The following MGAT1 variants were observed in gnomAD, a reference collection of about 807,000 sequenced individuals.
MGAT1 encodes the protein N-glycosyl-oligosaccharide-glycoprotein N-acetylglucosaminyltransferase I.
A neutral mutation model predicts 31.7 loss-of-function variants in MGAT1; 14 were observed. The ratio of observed to expected loss-of-function variants is 0.44; its 90% CI spans 0.29 to 0.69. MGAT1 has a LOEUF of 0.69. MGAT1 is among the 30% of genes least tolerant of loss of function. The pLI is 0.12. For synonymous variants in MGAT1, 338 were observed against 276.0 expected, an observed-to-expected ratio of 1.22 and a Z score of -2.23; for missense variants, 557 against 626.0, an observed-to-expected ratio of 0.89 and a Z score of 1.18.
intron 1 of MGAT1, among the ~76,000 whole-genome samples, chr5:180,798,194 G>C (rs1221102784): frequency 6.6e-6 from 1 of 152,216 alleles, no homozygotes; most frequent in African/African-American, 2.4e-5. Flanking sequence ...TAGGTGTTTA[G>C]AACAGTGCCG....
chr5:180,814,918 G>A (rs2113624048), intron 1 of MGAT1, among the ~76,000 whole-genome samples: 1 of 150,338 alleles, frequency 6.7e-6, no homozygotes, highest in East Asian at 1.9e-4. Flanking sequence ...TCCAGCCTAG[G>A]CGACAGAGTG....
intron 1 of MGAT1, among the ~76,000 whole-genome samples, chr5:180,795,068 G>A (rs151111347): frequency 0.014 from 2,140 of 151,754 alleles, 20 homozygotes; most frequent in Middle Eastern, 0.02. Flanking sequence ...GGTCTTTTTG[G>A]GAAAAACAAA....
At position 180,786,353 on chromosome 5, in the gene MGAT1, C is replaced by G. The variant is rs752565019; in HGVS notation, c.*5281G>C. The G allele has an allele frequency of 1.1e-4, 17 of 152,424 alleles. No individual in the cohort carries two copies. The highest frequency in any genetic ancestry group is 1.6e-4 in the Non-Finnish European group (11 of 68,172). 9.4% of individuals were successfully genotyped at this position (152,424 alleles called of 1,614,324 possible). ...GGTCAGGGTTCCTAATGCACTCCCC[C>G]CAAAGCTCCCCATCACCCTGCCCTC... On this transcript the variant is annotated 3_prime_UTR_variant, in exon 2 of 2. Transcript: ENST00000307826.
chr5:180,791,431 G>A lies in MGAT1; in HGVS notation c.*203C>T. ...GCTTAATACCCCGCAACATACCCTA[G>A]AATAGTTCCCCTGATCTGACTCCCT... On this transcript the variant is annotated 3_prime_UTR_variant, in exon 2 of 2. Coordinates refer to ENST00000307826, the MANE Select transcript of MGAT1 (RefSeq NM_002406.4). The A allele has an allele frequency of 1.5e-6, 1 of 685,808 alleles. No homozygotes were observed. Among genetic ancestry groups the A allele is most frequent in the South Asian group, 2.0e-5 (1 of 50,768 alleles). 42.5% of individuals were successfully genotyped at this position (685,808 alleles called of 1,614,324 possible).
At chr5:180,796,731 C>T (rs1381992229) in intron 1 of MGAT1, among the ~76,000 whole-genome samples, 2 of 152,094 alleles carry the variant, frequency 1.3e-5, no homozygotes, top group African/African-American at 4.8e-5. Flanking sequence ...CTTGCCTCAG[C>T]CTCCCGAGTA....
chr5:180,800,590 G>C (rs1293514984), intron 1 of MGAT1, among the ~76,000 whole-genome samples: 2 of 152,172 alleles, frequency 1.3e-5, no homozygotes, highest in Admixed American at 6.5e-5. Flanking sequence ...CATTCCAAAG[G>C]TGAGTGTTCC....
rs1429261703 is a variant in MGAT1, at chr5:180,792,893, A to G, written c.79T>C (p.Phe27Leu). The change falls in exon 2 of 2, where the codon TTC becomes CTC. Residue 27 changes from phenylalanine to leucine, a missense_variant. By Grantham distance (22) the Phe-to-Leu change is conservative. Transcript: ENST00000307826. Reference sequence around the variant, plus strand: ...CCAGGTGCTGGGCGCGTCCAGAAGAAGAGGAGCAGCAGGGCATTCCAGGCC... The same window carrying G: ...CCAGGTGCTGGGCGCGTCCAGAAGAGGAGGAGCAGCAGGGCATTCCAGGCC... ...FVAWNALLLL[F>L]FWTRPAPGRP... is the part of the protein sequence containing the mutation. The G allele has an allele frequency of 4.4e-6, 7 of 1,607,032 alleles. No individual in the cohort carries two copies. Among genetic ancestry groups the G allele is most frequent in the African/African-American group, 1.3e-5 (1 of 74,930 alleles).
At chr5:180,815,445 A>G (rs773400554) in exon 1 of MGAT1, 23 of 152,582 alleles carry the variant, frequency 1.5e-4, no homozygotes, top group Non-Finnish European at 3.2e-4. Flanking sequence ...TGAAATTTGC[A>G]GTGCTCCTCC....
At chr5:180,809,352 G>A (rs1374460002) in intron 1 of MGAT1, 4 of 152,010 alleles carry the variant, frequency 2.6e-5, no homozygotes, top group African/African-American at 9.7e-5. Context: ...CAGGATAAAA[G>A]ATGGATCGTA....
intron 1 of MGAT1, among the ~76,000 whole-genome samples, chr5:180,814,879 T>G (rs1449859327): frequency 6.6e-6 from 1 of 150,594 alleles, no homozygotes; most frequent in Admixed American, 6.6e-5. Flanking sequence ...GGGCGGTGGT[T>G]GCAGTGAGCT....
Position 180,789,024 on chromosome 5 carries a change from A to G in MGAT1, c.*2610T>C, listed in dbSNP as rs1767774214. The stretch of plus-strand genomic sequence containing the variant: ...CGATTCCACGTCTGAAATCACGGAT[A>G]ATGACCACCTCCCCTTATTTAACAA... On this transcript the variant is annotated 3_prime_UTR_variant, in exon 2 of 2. Transcript: ENST00000307826. The G allele has an allele frequency of 6.6e-6, 1 of 152,260 alleles. No individual in the cohort carries two copies. The highest frequency in any genetic ancestry group is 1.5e-5 in the Non-Finnish European group (1 of 68,048). The allele number at this position is 152,260 out of a possible 1,614,324, so 9.4% of individuals were successfully genotyped here.
chr5:180,811,936 A>T (rs1400168433), intron 1 of MGAT1, among the ~76,000 whole-genome samples: 1 of 152,080 alleles, frequency 6.6e-6, no homozygotes, highest in African/African-American at 2.4e-5. Context: ...AGCTCTTTCA[A>T]ATCTTTCCTC....
chr5:180,791,106 G>A lies in MGAT1; in HGVS notation c.*528C>T, dbSNP rs759306830. The A allele has an allele frequency of 1.7e-4, 27 of 156,662 alleles. No homozygotes were observed. Among genetic ancestry groups the A allele is most frequent in the Non-Finnish European group, 3.5e-4 (25 of 71,148 alleles). 9.7% of individuals were successfully genotyped at this position (156,662 alleles called of 1,614,324 possible). On this transcript the variant is annotated 3_prime_UTR_variant, in exon 2 of 2. Coordinates refer to ENST00000307826, the MANE Select transcript of MGAT1 (RefSeq NM_002406.4). ...GTCAGACAGGAGAGAAGGGCAGGAG[G>A]CAGTGAGCCCCGATGACCCACCAAC...
chr5:180,797,643 C>T (rs752733745), intron 1 of MGAT1, among the ~76,000 whole-genome samples: 3 of 152,188 alleles, frequency 2.0e-5, no homozygotes, highest in Non-Finnish European at 4.4e-5. Context: ...GCAAACCAGT[C>T]TTCTGACTGA....
intron 1 of MGAT1, among the ~76,000 whole-genome samples, chr5:180,801,817 AAC>A (rs1491337016): frequency 1.3e-5 from 2 of 152,220 alleles, no homozygotes; most frequent in Non-Finnish European, 2.9e-5. Context: ...TTCCCTTGTT[AAC>A]ACAGGCCACT....
rs1768346062 is a variant in MGAT1, at chr5:180,792,376, T to C, written c.596A>G (p.Gln199Arg). ...CACCACGGCCGCGGGGAAGCGAAAC[T>C]GCCGGAAGACCTGGCCCAGCGCCCA... The part of the protein sequence containing the change: ...YRWALGQVFR[Q>R]FRFPAAVVVE... The change falls in exon 2 of 2, where the codon CAG becomes CGG. Residue 199 changes from glutamine to arginine, a missense_variant. Gln to Arg is a conservative substitution (Grantham distance 43). Around this residue, in one of 3 missense-constraint regions of MGAT1, gnomAD observed 245 missense variants for 332.9 expected, o/e 0.74. Transcript: ENST00000307826. 1 of 1,611,160 alleles carries C rather than the reference T, an allele frequency of 6.2e-7. No individual in the cohort carries two copies. Among genetic ancestry groups the C allele is most frequent in the Non-Finnish European group, 8.5e-7 (1 of 1,178,264 alleles).
chr5:180,796,266 C>A (rs542391147), intron 1 of MGAT1, among the ~76,000 whole-genome samples: 1 of 152,176 alleles, frequency 6.6e-6, no homozygotes, highest in Non-Finnish European at 1.5e-5. Context: ...ACTTCACCAG[C>A]CCCTGCCAGC....
intron 1 of MGAT1, among the ~76,000 whole-genome samples, chr5:180,798,993 G>T (rs960679801): frequency 5.3e-5 from 8 of 152,176 alleles, no homozygotes; most frequent in African/African-American, 1.7e-4. Context: ...TCCTTCGTAG[G>T]AAACACTGTT....
rs551799449 is a variant in MGAT1 at position 180,792,519 on chromosome 5, G to A, written c.453C>T (p.Ala151=). 5 of 1,613,014 alleles carry A rather than the reference G, an allele frequency of 3.1e-6. No homozygotes were observed. Among genetic ancestry groups the A allele is most frequent in the African/African-American group, 2.7e-5 (2 of 75,054 alleles). ...QDCGHEETAQ[A]IASYGSAVTH... is the part of the protein sequence containing the mutation. ...TGACCGCGCTGCCGTAGGAGGCGAT[G>A]GCCTGGGCCGTCTCCTCGTGCCCGC... The change falls in exon 2 of 2, where the codon GCC becomes GCT. Residue 151 remains alanine (A), a synonymous_variant. Coordinates refer to ENST00000307826, the MANE Select transcript of MGAT1 (RefSeq NM_002406.4).
Sources: allele counts gnomAD v4.1 joint callset (sites outside exome capture counted in the v4.1 genomes callset), GRCh38; gene constraint gnomAD v4.1.1; regional missense constraint gnomAD v4.1.1; transcripts MANE v1.5; gene names NCBI Gene and HGNC (gene_info 2026-07-23, HGNC 2026-07-21).